Variants in BRDT observed in about 807,000 individuals in gnomAD.
BRDT encodes the protein bromodomain testis-specific protein.
In BRDT, 77 loss-of-function variants were observed where a neutral mutation model predicts 113.9. The observed-to-expected ratio is 0.68, with a 90% CI of 0.56 to 0.82. The LOEUF (loss-of-function observed/expected upper bound fraction) is 0.82. Among genes scored for constraint, BRDT ranks in the 40% least tolerant of loss-of-function variants. The probability of loss-of-function intolerance (pLI) is 0.00; values close to 1 mark genes in which losing one functional copy is unlikely to be tolerated. For missense variants in BRDT, 1,027 were observed against 1,105.4 expected (o/e 0.93, Z 1.01); for synonymous variants, 358 against 366.5 (o/e 0.98, Z 0.26).
intron 1 of BRDT, among the ~76,000 whole-genome samples, chr1:91,956,985 G>T (rs895679257): frequency 6.6e-6 from 1 of 151,998 alleles, no homozygotes; most frequent in Non-Finnish European, 1.5e-5. Context: ...ACATTCAATT[G>T]TTCACATTTT....
Position 91,964,734 on chromosome 1 carries a change from A to C in BRDT, c.300A>C (p.Thr100=), listed in dbSNP as rs767876716. The change falls in exon 3 of 19, where the codon ACA becomes ACC. Residue 100 remains threonine (T), a synonymous_variant. Coordinates refer to ENST00000399546, the MANE Select transcript of BRDT (RefSeq NM_207189.4). The part of the protein sequence containing the change: ...KASECIEDFN[T]MFSNCYLYNK... ...CAGAATGTATAGAAGACTTCAATAC[A>C]ATGTTCTCAAATTGTTATTTATATA... is the stretch of plus-strand genomic sequence containing the variant. 6.1e-6 allele frequency: 9 copies of C among 1,476,062 alleles called. No individual in the cohort carries two copies. In the South Asian group the frequency reaches 1.3e-4, roughly 22 times the overall value. 91.4% of individuals were successfully genotyped at this position (1,476,062 alleles called of 1,614,324 possible).
At chr1:91,978,533 G>A (rs958546858) in intron 7 of BRDT, among the ~76,000 whole-genome samples, 4 of 152,070 alleles carry the variant, frequency 2.6e-5, no homozygotes, top group Non-Finnish European at 5.9e-5. Context: ...CTTTAGTAGC[G>A]AATCTTTTTA....
At chr1:91,972,599 T>C (rs1683734219) in intron 4 of BRDT, among the ~76,000 whole-genome samples, 1 of 152,230 alleles carries the variant, frequency 6.6e-6, no homozygotes, top group African/African-American at 2.4e-5. Flanking sequence ...ATGTAACAAG[T>C]ACTGCATTAG....
chr1:92,010,310 T>G (rs985895337), intron 18 of BRDT, among the ~76,000 whole-genome samples: 1 of 144,976 alleles, frequency 6.9e-6, no homozygotes, highest in East Asian at 2.1e-4. Context: ...CTCACTCTGT[T>G]GCTCAGGCTG....
chr1:91,958,776 C>T lies in BRDT; in HGVS notation c.-37-3942C>T, dbSNP rs141685056. Among the ~76,000 whole-genome samples, 163 of 152,008 alleles carry T rather than the reference C, an allele frequency of 1.1e-3. 2 individuals carry two copies. Among genetic ancestry groups the T allele is most frequent in the East Asian group, 3.5e-3 (18 of 5,166 alleles). On this transcript the variant is annotated intron_variant, in intron 1 of 18. Transcript: ENST00000399546. Reference sequence around the variant, plus strand: ...AAAAAATTAAATGTAGAAAATGAGGCGGGGAACCGTGGGCTTACCTGTAAT... The same window carrying T: ...AAAAAATTAAATGTAGAAAATGAGGTGGGGAACCGTGGGCTTACCTGTAAT...
At chr1:92,004,728 A>T (rs1687150543) in intron 17 of BRDT, 109 bp downstream of exon 17, 1 of 994,430 alleles carries the variant, frequency 1.0e-6, no homozygotes, top group Non-Finnish European at 1.4e-6. Flanking sequence ...TTAGTAGAAC[A>T]CAGAGCAAAT....
intron 15 of BRDT, among the ~76,000 whole-genome samples, chr1:91,999,457 T>C (rs1251723358): frequency 6.6e-6 from 1 of 152,200 alleles, no homozygotes; most frequent in Non-Finnish European, 1.5e-5. Context: ...ATCTGTCTGT[T>C]CCTTACAGAT....
intron 12 of BRDT, among the ~76,000 whole-genome samples, chr1:91,984,789 G>A (rs999039890): frequency 5.3e-5 from 8 of 151,940 alleles, no homozygotes; most frequent in Non-Finnish European, 8.8e-5. Context: ...GTGCCACCAC[G>A]CTGGGCTAAT....
intron 18 of BRDT, among the ~76,000 whole-genome samples, chr1:92,008,079 G>A (rs759536111): frequency 6.6e-6 from 1 of 151,986 alleles, no homozygotes; most frequent in Non-Finnish European, 1.5e-5. Context: ...CACCACGCCT[G>A]GTAAATTTTT....
chr1:91,962,934 A>G lies in BRDT; in HGVS notation c.180A>G (p.Lys60=). ...WPFQRPVDAV[K]LQLPDYYTII... ...TTCAACGTCCTGTGGATGCTGTGAA[A>G]CTACAGTTGCCTGTATGTATGTCTT... Residue 60 remains lysine, a synonymous_variant, in exon 2 of 19, where the codon AAA becomes AAG. Coordinates refer to ENST00000399546, the MANE Select transcript of BRDT (RefSeq NM_207189.4). 6.3e-7 allele frequency: 1 copy of G among 1,594,626 alleles called. No individual in the cohort carries two copies. The highest frequency in any genetic ancestry group is 2.2e-5 in the East Asian group (1 of 44,552).
chr1:92,010,614 T>C (rs1474691289), intron 18 of BRDT, among the ~76,000 whole-genome samples: 2 of 152,120 alleles, frequency 1.3e-5, no homozygotes, highest in Non-Finnish European at 2.9e-5. Flanking sequence ...TTAAAATTAT[T>C]TTTTCCCTTT....
intron 18 of BRDT, among the ~76,000 whole-genome samples, chr1:92,013,218 A>C (rs549894777): frequency 0.026 from 278 of 10,628 alleles, no homozygotes; most frequent in Admixed American, 0.054. Flanking sequence ...ACAATGTTTC[A>C]AAAAAAAAAA....
chr1:91,981,293 A>G lies in BRDT; in HGVS notation c.1776A>G (p.Glu592=), dbSNP rs747272833. The part of the protein sequence containing the change: ...PPAKKIMMSK[E]ELHSQKKQEL... ...CTAAGAAAATAATGATGTCCAAAGAAGAACTTCACTCACAGAAAAAACAGG... is the reference window on the plus strand; with the variant it reads ...CTAAGAAAATAATGATGTCCAAAGAGGAACTTCACTCACAGAAAAAACAGG... Residue 592 remains glutamate (E), a synonymous_variant, in exon 11 of 19, where the codon GAA becomes GAG. Transcript: ENST00000399546. 5.6e-6 allele frequency: 9 copies of G among 1,614,056 alleles called. 1 individual carries two copies. The highest frequency in any genetic ancestry group is 3.3e-4 in the Middle Eastern group (2 of 6,084).
chr1:92,008,444 G>A (rs138307321), intron 18 of BRDT, among the ~76,000 whole-genome samples: 8 of 151,660 alleles, frequency 5.3e-5, no homozygotes, highest in East Asian at 1.9e-4. Context: ...GAGTTCCTAC[G>A]TGCCATACCC....
At chr1:91,981,513 A>G (rs1684728655) in intron 11 of BRDT, 105 bp from the exon 12 acceptor site, 1 of 1,550,092 alleles carries the variant, frequency 6.5e-7, no homozygotes, top group South Asian at 1.2e-5. Context: ...CAAAGTGCTG[A>G]GATTACAGGC....
In BRDT at chr1:91,981,327, A is replaced by G; in HGVS notation, c.1810A>G (p.Lys604Glu). The change falls in exon 11 of 19, where the codon AAG (lysine) becomes GAG (glutamate). Residue 604 changes from lysine (K) to glutamate (E), a missense_variant. By Grantham distance (56) the Lys-to-Glu change is moderately conservative. Coordinates refer to ENST00000399546, the MANE Select transcript of BRDT (RefSeq NM_207189.4). ...LHSQKKQELE[K>E]RLLDVNNQLN... ...CTCACAGAAAAAACAGGAATTGGAA[A>G]AGCGGTTACTGGATGTTAATAATCA... 1.2e-6 allele frequency: 2 copies of G among 1,614,212 alleles called. No individual in the cohort carries two copies. The highest frequency in any genetic ancestry group is 2.2e-5 in the East Asian group (1 of 44,890).
chr1:92,001,838 C>CA (rs1262016881), intron 15 of BRDT, among the ~76,000 whole-genome samples: 1 of 151,674 alleles, frequency 6.6e-6, no homozygotes, highest in Non-Finnish European at 1.5e-5. Context: ...GCAAAAATAA[C>CA]AAAAAAAGAG....
At chr1:91,971,061 C>T (rs1321085863) in intron 4 of BRDT, among the ~76,000 whole-genome samples, 1 of 152,026 alleles carries the variant, frequency 6.6e-6, no homozygotes, top group Non-Finnish European at 1.5e-5. Context: ...AGCTTTCAAT[C>T]ATGGTCAAAG....
chr1:91,975,970 T>C (rs1369024634), intron 4 of BRDT, among the ~76,000 whole-genome samples: 1 of 152,214 alleles, frequency 6.6e-6, no homozygotes, highest in African/African-American at 2.4e-5. Context: ...TTTTTGCTCA[T>C]GTTCATAGCT....
Sources: gnomAD v4.1 joint callset for allele counts (sites outside exome capture counted in the v4.1 genomes callset) on GRCh38, gnomAD v4.1.1 for gene constraint, MANE v1.5 for transcripts, NCBI Gene and HGNC (gene_info 2026-07-23, HGNC 2026-07-21) for gene names.